The following SLMAP variants were observed in gnomAD, a reference collection of about 807,000 sequenced individuals.
SLMAP encodes the protein sarcolemmal membrane-associated protein.
In SLMAP, 44 loss-of-function variants were observed where a neutral mutation model predicts 128.8. That is an observed-to-expected ratio of 0.34 (90% CI 0.27 to 0.44). The LOEUF (loss-of-function observed/expected upper bound fraction) is 0.44, where lower values mean the gene tolerates loss of function less well. SLMAP is among the 20% of genes least tolerant of loss of function. The probability of loss-of-function intolerance (pLI) is 1.00; values close to 1 mark genes in which losing one functional copy is unlikely to be tolerated. For missense variants in SLMAP, 787 were observed against 985.3 expected (o/e 0.80, Z 2.69); for synonymous variants, 327 against 348.8 (o/e 0.94, Z 0.70).
chr3:57,833,603 A>T (rs2093466661), intron 3 of SLMAP, among the ~76,000 whole-genome samples: 1 of 151,946 alleles, frequency 6.6e-6, no homozygotes, highest in African/African-American at 2.4e-5. Flanking sequence ...TATTTCTAGT[A>T]GAGACGGGGT....
chr3:57,766,000 C>CTTT (rs769246826), intron 2 of SLMAP, among the ~76,000 whole-genome samples: 2 of 135,950 alleles, frequency 1.5e-5, no homozygotes, highest in African/African-American at 2.7e-5. Context: ...GATTTTCTTT[C>CTTT]TTTTTTTTTT....
intron 2 of SLMAP, among the ~76,000 whole-genome samples, chr3:57,787,667 G>C (rs779802316): frequency 6.6e-6 from 1 of 152,080 alleles, no homozygotes; most frequent in South Asian, 2.1e-4. Flanking sequence ...GTAGAGACGG[G>C]GTTTCACCAT....
intron 14 of SLMAP, among the ~76,000 whole-genome samples, chr3:57,884,248 C>T (rs909937168): frequency 5.3e-5 from 8 of 152,090 alleles, no homozygotes; most frequent in Admixed American, 4.6e-4. Context: ...TATTCTTGTC[C>T]ATGCAGACAG....
chr3:57,775,509 C>CAAAAA (rs1009755128), intron 2 of SLMAP, among the ~76,000 whole-genome samples: 7 of 21,176 alleles, frequency 3.3e-4, no homozygotes, highest in African/African-American at 4.3e-4. Flanking sequence ...CCTGTTGGTA[C>CAAAAA]AAAAAAAAAA....
chr3:57,924,673 G>GT (rs1212705004), intron 23 of SLMAP, among the ~76,000 whole-genome samples: 2 of 151,920 alleles, frequency 1.3e-5, no homozygotes, highest in East Asian at 3.9e-4. Context: ...AGCTCTGCCT[G>GT]TCTTTATATA....
At chr3:57,786,558 T>C (rs2084166258) in intron 2 of SLMAP, among the ~76,000 whole-genome samples, 1 of 150,908 alleles carries the variant, frequency 6.6e-6, no homozygotes, top group South Asian at 2.1e-4. Flanking sequence ...ATAGCTTTTT[T>C]TTTTTTTTTT....
At chr3:57,918,746 C>T (rs1035423771) in intron 22 of SLMAP, among the ~76,000 whole-genome samples, 6 of 152,210 alleles carry the variant, frequency 3.9e-5, no homozygotes, top group Admixed American at 3.3e-4. Context: ...TATTCCCCTT[C>T]AGCATTTCCC....
intron 23 of SLMAP, among the ~76,000 whole-genome samples, chr3:57,925,321 G>C (rs1309204788): frequency 7.1e-6 from 1 of 141,416 alleles, no homozygotes; most frequent in South Asian, 2.3e-4. Context: ...ATTGCCTTCA[G>C]CTGTTTCTTT....
chr3:57,842,709 C>G (rs970220358), intron 4 of SLMAP, among the ~76,000 whole-genome samples: 17 of 152,130 alleles, frequency 1.1e-4, no homozygotes, highest in Non-Finnish European at 1.5e-5. Context: ...TTGTGTTTCT[C>G]TAATTCTTTT....
chr3:57,926,073 G>C, intron 24 of SLMAP, 139 bp downstream of exon 24: 1 of 653,556 alleles, frequency 1.5e-6, no homozygotes, highest in Non-Finnish European at 2.8e-6. Flanking sequence ...CCGTGTATTT[G>C]TGTCATACCA....
Position 57,878,762 on chromosome 3 carries a change from A to G in SLMAP, c.1300+7064A>G, listed in dbSNP as rs145421680. On this transcript the variant is annotated intron_variant, in intron 14 of 24. Coordinates refer to ENST00000671191, the MANE Select transcript of SLMAP (RefSeq NM_001377540.1). ...GTGCATAATTACCAGTATGCATGCT[A>G]TTTAAAAAATTTGGTGTCAAGAACA... Among the ~76,000 whole-genome samples, 208 of 152,338 alleles carry G rather than the reference A, an allele frequency of 1.4e-3. 1 individual carries two copies. The highest frequency in any genetic ancestry group is 4.4e-3 in the African/African-American group (181 of 41,584).
At chr3:57,907,466 C>G (rs2096597862) in intron 17 of SLMAP, among the ~76,000 whole-genome samples, 1 of 152,142 alleles carries the variant, frequency 6.6e-6, no homozygotes, top group Non-Finnish European at 1.5e-5. Context: ...AGAAAAGTTT[C>G]TTTTTGTTTT....
chr3:57,879,966 A>G (rs1385611694), intron 14 of SLMAP, among the ~76,000 whole-genome samples: 1 of 151,758 alleles, frequency 6.6e-6, no homozygotes, highest in Non-Finnish European at 1.5e-5. Context: ...AAAAAAATAA[A>G]AATAAAAAGC....
chr3:57,821,683 TC>T, intron 2 of SLMAP, among the ~76,000 whole-genome samples: 1 of 152,322 alleles, frequency 6.6e-6, no homozygotes, highest in African/African-American at 2.4e-5. Flanking sequence ...CTGCAGTTCA[TC>T]CTACACACAG....
intron 2 of SLMAP, among the ~76,000 whole-genome samples, chr3:57,830,938 T>C (rs1027499428): frequency 6.6e-6 from 1 of 152,240 alleles, no homozygotes; most frequent in Non-Finnish European, 1.5e-5. Context: ...TAATATTCAG[T>C]TATATGAATG....
chr3:57,794,275 G>C (rs1026138710), intron 2 of SLMAP, among the ~76,000 whole-genome samples: 1 of 151,948 alleles, frequency 6.6e-6, no homozygotes, highest in Non-Finnish European at 1.5e-5. Context: ...TGACAGTTTT[G>C]GCATTTCTAT....
chr3:57,855,759 G>A (rs968621710), intron 6 of SLMAP, among the ~76,000 whole-genome samples: 1 of 150,500 alleles, frequency 6.6e-6, no homozygotes, highest in Non-Finnish European at 1.5e-5. Flanking sequence ...AATATTAGCT[G>A]GAGGTTGGGT....
intron 6 of SLMAP, among the ~76,000 whole-genome samples, chr3:57,854,944 C>G (rs1160940510): frequency 1.3e-5 from 2 of 152,168 alleles, no homozygotes; most frequent in Non-Finnish European, 2.9e-5. Context: ...TATTACACAC[C>G]TAGGCTATAT....
At chr3:57,863,556 A>G (rs1387763954) in intron 10 of SLMAP, among the ~76,000 whole-genome samples, 1 of 152,186 alleles carries the variant, frequency 6.6e-6, no homozygotes, top group Non-Finnish European at 1.5e-5. Flanking sequence ...GGCTGCTTCC[A>G]CTGATGGCAG....
Sources: allele counts gnomAD v4.1 joint callset (sites outside exome capture counted in the v4.1 genomes callset), GRCh38; gene constraint gnomAD v4.1.1; transcripts MANE v1.5; gene names NCBI Gene and HGNC (gene_info 2026-07-23, HGNC 2026-07-21).